GALNTL6: variants seen among roughly 807,000 people sequenced by gnomAD.
The protein encoded by GALNTL6 is polypeptide N-acetylgalactosaminyltransferase like 6.
Under a neutral mutation model 73.7 loss-of-function variants are expected in GALNTL6, and 46 were observed. The ratio of observed to expected loss-of-function variants is 0.62; its 90% CI spans 0.49 to 0.80. GALNTL6 has a LOEUF of 0.80. GALNTL6 is among the 30% of genes least tolerant of loss of function. The pLI is 0.00. For synonymous variants in GALNTL6, 259 were observed against 263.7 expected, an observed-to-expected ratio of 0.98 and a Z score of 0.17; for missense variants, 604 against 755.0, an observed-to-expected ratio of 0.80 and a Z score of 2.34.
At chr4:171,839,336 C>T (rs367935505) in intron 2 of GALNTL6, among the ~76,000 whole-genome samples, 1 of 152,060 alleles carries the variant, frequency 6.6e-6, no homozygotes, top group African/African-American at 2.4e-5. Flanking sequence ...AAAAAATCTG[C>T]CTGACTGGTT....
At chr4:171,862,065 C>T (rs1735843665) in intron 2 of GALNTL6, among the ~76,000 whole-genome samples, 1 of 152,130 alleles carries the variant, frequency 6.6e-6, no homozygotes, top group South Asian at 2.1e-4. Flanking sequence ...GGTAAAGAAA[C>T]TTGTGGACAA....
At chr4:172,657,969 T>C (rs1247405404) in intron 5 of GALNTL6, among the ~76,000 whole-genome samples, 1 of 147,284 alleles carries the variant, frequency 6.8e-6, no homozygotes. Context: ...GCTAAAACGG[T>C]GAAACCCCGT....
At chr4:172,928,422 G>A (rs1383446862) in intron 8 of GALNTL6, among the ~76,000 whole-genome samples, 2 of 152,140 alleles carry the variant, frequency 1.3e-5, no homozygotes, top group East Asian at 3.9e-4. Context: ...AGCATTACAT[G>A]AAATAATTAA....
intron 5 of GALNTL6, among the ~76,000 whole-genome samples, chr4:172,459,819 A>T (rs1732545845): frequency 6.6e-6 from 1 of 152,216 alleles, no homozygotes; most frequent in African/African-American, 2.4e-5. Context: ...TGTTATCCCC[A>T]TCAAGCTACC....
At chr4:172,487,786 G>A (rs140954182) in intron 5 of GALNTL6, among the ~76,000 whole-genome samples, 1 of 152,084 alleles carries the variant, frequency 6.6e-6, no homozygotes, top group Non-Finnish European at 1.5e-5. Context: ...TTGAAACAGA[G>A]AACCTATGTA....
intron 5 of GALNTL6, among the ~76,000 whole-genome samples, chr4:172,354,580 A>C (rs1407186787): frequency 6.6e-6 from 1 of 152,114 alleles, no homozygotes. Flanking sequence ...AGTAATGTGC[A>C]ATCAATGTCA....
intron 2 of GALNTL6, among the ~76,000 whole-genome samples, chr4:171,977,032 A>T (rs1018119489): frequency 6.6e-6 from 1 of 152,180 alleles, no homozygotes; most frequent in Non-Finnish European, 1.5e-5. Context: ...TGAAAAAGAG[A>T]GGGAGCAGAA....
intron 8 of GALNTL6, among the ~76,000 whole-genome samples, chr4:172,904,986 C>T (rs1579634617): frequency 6.6e-6 from 1 of 152,048 alleles, no homozygotes; most frequent in East Asian, 1.9e-4. Flanking sequence ...TAATTTTGTG[C>T]CCCTTTATGA....
intron 2 of GALNTL6, among the ~76,000 whole-genome samples, chr4:172,156,211 G>C (rs936591432): frequency 6.6e-6 from 1 of 151,946 alleles, no homozygotes; most frequent in Non-Finnish European, 1.5e-5. Context: ...CTTCCTTTTC[G>C]ATCTTCAGCG....
chr4:172,536,557 C>T (rs1305495155), intron 5 of GALNTL6, among the ~76,000 whole-genome samples: 4 of 152,116 alleles, frequency 2.6e-5, no homozygotes, highest in African/African-American at 9.7e-5. Context: ...GCATTTTGCC[C>T]CTGTCCTAGA....
At chr4:171,937,601 T>C (rs919341887) in intron 2 of GALNTL6, among the ~76,000 whole-genome samples, 1 of 152,168 alleles carries the variant, frequency 6.6e-6, no homozygotes, top group African/African-American at 2.4e-5. Context: ...TGTTCTCTTA[T>C]TCAGTCTCAT....
chr4:172,457,246 C>G (rs1355567046), intron 5 of GALNTL6, among the ~76,000 whole-genome samples: 1 of 151,704 alleles, frequency 6.6e-6, no homozygotes, highest in Non-Finnish European at 1.5e-5. Context: ...CAGTACCAGC[C>G]ACTGCAAAAA....
At chr4:172,973,888 T>C (rs1315747665) in intron 10 of GALNTL6, among the ~76,000 whole-genome samples, 2 of 152,136 alleles carry the variant, frequency 1.3e-5, no homozygotes, top group African/African-American at 4.8e-5. Context: ...AACGCTCCAG[T>C]AAAACAGAGA....
At chr4:172,603,413 A>G (rs1738141014) in intron 5 of GALNTL6, among the ~76,000 whole-genome samples, 1 of 152,204 alleles carries the variant, frequency 6.6e-6, no homozygotes, top group Non-Finnish European at 1.5e-5. Context: ...CATTTTACCA[A>G]GGCCATTGGC....
chr4:172,081,184 CAT>C (rs1400925769), intron 2 of GALNTL6, among the ~76,000 whole-genome samples: 1 of 152,220 alleles, frequency 6.6e-6, no homozygotes, highest in African/African-American at 2.4e-5. Flanking sequence ...CTCAAAAGGG[CAT>C]ATAATGGAGA....
At chr4:172,744,441 A>G (rs1561306) in intron 5 of GALNTL6, among the ~76,000 whole-genome samples, 4 of 152,028 alleles carry the variant, frequency 2.6e-5, no homozygotes, top group African/African-American at 9.6e-5. Flanking sequence ...GAACCCCCTT[A>G]AATCAAGGAG....
Position 172,138,767 on chromosome 4 carries a change from G to C in GALNTL6, c.139-90889G>C, listed in dbSNP as rs537442070. 3.4e-3 allele frequency among the ~76,000 whole-genome samples: 520 copies of C among 150,844 alleles called. 1 individual carries two copies. The highest frequency in any genetic ancestry group is 0.012 in the African/African-American group (492 of 41,092). On this transcript the variant is annotated intron_variant, in intron 2 of 12. Transcript: ENST00000506823. ...GATGGTTTCGATCTCCTGACCTCAT[G>C]ATCTGCCCGCCTCGGCCTCCCAAAG...
At chr4:172,615,875 A>C (rs561669734) in intron 5 of GALNTL6, among the ~76,000 whole-genome samples, 1 of 152,340 alleles carries the variant, frequency 6.6e-6, no homozygotes, top group East Asian at 1.9e-4. Context: ...AAGATCAGAC[A>C]ATTTCTGATG....
chr4:172,587,309 T>C (rs1737449369), intron 5 of GALNTL6, among the ~76,000 whole-genome samples: 3 of 152,190 alleles, frequency 2.0e-5, no homozygotes, highest in Admixed American at 2.0e-4. Context: ...AAAATGGACT[T>C]GATTGCTATT....
Sources: gnomAD v4.1 joint callset for allele counts (sites outside exome capture counted in the v4.1 genomes callset) on GRCh38, gnomAD v4.1.1 for gene constraint, MANE v1.5 for transcripts, NCBI Gene and HGNC (gene_info 2026-07-23, HGNC 2026-07-21) for gene names.